Variants in AFG1L observed in about 807,000 individuals in gnomAD.
AFG1L encodes the protein AFG1-like ATPase.
AFG1L carries 53 observed loss-of-function variants against 62.2 expected under a neutral mutation model. The ratio of observed to expected loss-of-function variants is 0.85; its 90% CI spans 0.68 to 1.07. The LOEUF (loss-of-function observed/expected upper bound fraction) is 1.07, where lower values mean the gene tolerates loss of function less well. AFG1L is among the 50% of genes least tolerant of loss of function. The pLI is 0.00. For synonymous variants in AFG1L, 228 were observed against 210.3 expected, an observed-to-expected ratio of 1.08 and a Z score of -0.73; for missense variants, 555 against 590.5, an observed-to-expected ratio of 0.94 and a Z score of 0.62.
intron 5 of AFG1L, among the ~76,000 whole-genome samples, chr6:108,357,379 C>A (rs1003552028): frequency 3.3e-5 from 5 of 152,132 alleles, no homozygotes; most frequent in African/African-American, 9.6e-5. Context: ...TGACACCCAG[C>A]CAAGTTTTTG....
chr6:108,355,829 C>A, intron 4 of AFG1L, 74 bp downstream of exon 4: 2 of 961,880 alleles, frequency 2.1e-6, no homozygotes, highest in Non-Finnish European at 3.2e-6. Flanking sequence ...ATTGAATGAA[C>A]ATATACTCTT....
At chr6:108,489,863 G>A (rs959585419) in intron 10 of AFG1L, among the ~76,000 whole-genome samples, 1 of 152,196 alleles carries the variant, frequency 6.6e-6, no homozygotes, top group African/African-American at 2.4e-5. Context: ...AGGTGTGTTA[G>A]TTTGGAGCCT....
intron 6 of AFG1L, among the ~76,000 whole-genome samples, chr6:108,391,386 G>A (rs992115285): frequency 1.3e-5 from 2 of 152,276 alleles, no homozygotes; most frequent in South Asian, 2.1e-4. Flanking sequence ...CATTAGTGAT[G>A]TTGAGCATTT....
chr6:108,477,234 G>A lies in AFG1L; in HGVS notation c.1004G>A (p.Arg335His), dbSNP rs1157011938. The A allele has an allele frequency of 3.1e-6, 5 of 1,609,492 alleles. No homozygotes were observed. Among genetic ancestry groups the A allele is most frequent in the East Asian group, 2.2e-5 (1 of 44,738 alleles). The change falls in exon 10 of 13, where the codon CGC (arginine) becomes CAC (histidine). Residue 335 changes from arginine to histidine, a missense_variant. Coordinates refer to ENST00000368977, the MANE Select transcript of AFG1L (RefSeq NM_145315.5). ...RILKVQGREL[R>H]LNKACGTVAD... is the part of the protein sequence containing the mutation. ...CTAAAAGTGCAAGGCAGAGAGCTGC[G>A]CCTGAATAAAGCCTGTGGAACCGTT...
intron 1 of AFG1L, among the ~76,000 whole-genome samples, chr6:108,308,228 C>A (rs967625555): frequency 1.8e-4 from 28 of 152,170 alleles, no homozygotes; most frequent in African/African-American, 6.8e-4. Flanking sequence ...TGGTTCACTG[C>A]AGCCTGGACC....
chr6:108,340,274 G>C (rs1778630948), intron 2 of AFG1L, among the ~76,000 whole-genome samples: 1 of 149,898 alleles, frequency 6.7e-6, no homozygotes, highest in African/African-American at 2.5e-5. Context: ...GTGTATTCTT[G>C]CCCATAATAA....
intron 7 of AFG1L, among the ~76,000 whole-genome samples, chr6:108,435,543 G>A (rs1771269424): frequency 6.6e-6 from 1 of 151,908 alleles, no homozygotes; most frequent in Admixed American, 6.6e-5. Flanking sequence ...AAAATTAGCT[G>A]GGCATGATGA....
chr6:108,459,951 A>C (rs1011811113), intron 8 of AFG1L, among the ~76,000 whole-genome samples: 1 of 152,192 alleles, frequency 6.6e-6, no homozygotes, highest in Non-Finnish European at 1.5e-5. Context: ...AGAAAGAGAG[A>C]GATGGATAGG....
intron 1 of AFG1L, among the ~76,000 whole-genome samples, chr6:108,317,431 G>C (rs1777648116): frequency 6.6e-6 from 1 of 152,160 alleles, no homozygotes; most frequent in African/African-American, 2.4e-5. Flanking sequence ...CTGTGGGTGG[G>C]ACAACAGGAC....
intron 7 of AFG1L, among the ~76,000 whole-genome samples, chr6:108,420,981 AT>A (rs1427192511): frequency 6.6e-6 from 1 of 152,062 alleles, no homozygotes; most frequent in African/African-American, 2.4e-5. Flanking sequence ...ACACGTGGCA[AT>A]TTTCTTGGCT....
chr6:108,348,595 A>G (rs1778958681), intron 3 of AFG1L, among the ~76,000 whole-genome samples: 1 of 152,234 alleles, frequency 6.6e-6, no homozygotes. Flanking sequence ...AAGAAGGTCA[A>G]ACTATTCTTT....
chr6:108,431,159 A>T (rs1271795108), intron 7 of AFG1L, among the ~76,000 whole-genome samples: 1 of 151,774 alleles, frequency 6.6e-6, no homozygotes, highest in Non-Finnish European at 1.5e-5. Flanking sequence ...GCTGGAGTGC[A>T]GTGGCGTGAT....
chr6:108,415,362 G>T (rs570948889), intron 7 of AFG1L, among the ~76,000 whole-genome samples: 1 of 87,880 alleles, frequency 1.1e-5, no homozygotes, highest in Non-Finnish European at 2.0e-5. Flanking sequence ...GTAATTTATA[G>T]ATTCAATGCC....
chr6:108,427,905 T>G lies in AFG1L; in HGVS notation c.808-19309T>G, dbSNP rs115546121. On this transcript the variant is annotated intron_variant, in intron 7 of 12. Transcript: ENST00000368977. ...TATTGCTCTTTACTTGTGTATTAGC[T>G]AACATTAAAAATTAAGTTATAAAAT... 8.8e-3 allele frequency among the ~76,000 whole-genome samples: 1,335 copies of G among 152,336 alleles called. 14 individuals carry two copies. Among genetic ancestry groups the G allele is most frequent in the African/African-American group, 0.03 (1,229 of 41,570 alleles).
intron 8 of AFG1L, among the ~76,000 whole-genome samples, chr6:108,474,793 TTTGTCAGATGGGTAGA>T (rs1363646204): frequency 6.6e-6 from 1 of 152,190 alleles, no homozygotes; most frequent in African/African-American, 2.4e-5. Context: ...ATATTAAACC[TTTGTCAGATGGGTAGA>T]TTACAAAACT....
In AFG1L at chr6:108,525,610, CA is replaced by C. The variant is rs1775292512; in HGVS notation, c.*3186del. Reference sequence around the variant, plus strand: ...CACATGATGTTTTCTGTGTCCTGGGCATGGTTCTATGTGCTTTATAAATAAA... The same window carrying C: ...CACATGATGTTTTCTGTGTCCTGGGCTGGTTCTATGTGCTTTATAAATAAA... On this transcript the variant is annotated 3_prime_UTR_variant, in exon 13 of 13. Coordinates refer to ENST00000368977, the MANE Select transcript of AFG1L (RefSeq NM_145315.5). 1 of 152,164 alleles carries C rather than the reference CA, an allele frequency of 6.6e-6. No individual in the cohort carries two copies. Among genetic ancestry groups the C allele is most frequent in the Admixed American group, 6.5e-5 (1 of 15,276 alleles). The allele number at this position is 152,164 out of a possible 1,614,324, so 9.4% of individuals were successfully genotyped here.
chr6:108,400,715 A>T (rs1562134819), intron 6 of AFG1L, among the ~76,000 whole-genome samples: 2 of 124,186 alleles, frequency 1.6e-5, no homozygotes, highest in Non-Finnish European at 1.6e-5. Flanking sequence ...ATATATATTT[A>T]ATATATATTA....
intron 6 of AFG1L, among the ~76,000 whole-genome samples, chr6:108,376,224 A>G (rs1780241334): frequency 6.6e-6 from 1 of 152,038 alleles, no homozygotes; most frequent in South Asian, 2.1e-4. Context: ...TAATCTAGCT[A>G]GCAGTCTATA....
At chr6:108,466,635 C>G (rs989115235) in intron 8 of AFG1L, among the ~76,000 whole-genome samples, 7 of 151,878 alleles carry the variant, frequency 4.6e-5, no homozygotes, top group African/African-American at 1.7e-4. Context: ...CGGCCGTCTG[C>G]AAGCCAGAAA....
Sources: allele counts gnomAD v4.1 joint callset (sites outside exome capture counted in the v4.1 genomes callset), GRCh38; gene constraint gnomAD v4.1.1; transcripts MANE v1.5; gene names NCBI Gene and HGNC (gene_info 2026-07-23, HGNC 2026-07-21).